Variants in NTNG1 observed in about 807,000 individuals in gnomAD.
The protein encoded by NTNG1 is netrin G1.
Under a neutral mutation model 54.0 loss-of-function variants are expected in NTNG1, and 16 were observed. The observed-to-expected ratio is 0.30, with a 90% CI of 0.20 to 0.45. The LOEUF (loss-of-function observed/expected upper bound fraction) is 0.45, where lower values mean the gene tolerates loss of function less well. NTNG1 is among the 20% of genes least tolerant of loss of function. NTNG1 has a pLI of 1.00. For synonymous variants in NTNG1, 255 were observed against 263.1 expected (o/e 0.97, Z 0.30); for missense variants, 530 against 678.7 (o/e 0.78, Z 2.43).
chr1:107,197,325 T>A (rs1176174626), intron 2 of NTNG1, among the ~76,000 whole-genome samples: 1 of 152,016 alleles, frequency 6.6e-6, no homozygotes, highest in Non-Finnish European at 1.5e-5. Flanking sequence ...CCAATTACAG[T>A]GTCACCGAGC....
At chr1:107,401,360 C>G (rs1248313641) in intron 4 of NTNG1, among the ~76,000 whole-genome samples, 1 of 152,074 alleles carries the variant, frequency 6.6e-6, no homozygotes, top group African/African-American at 2.4e-5. Flanking sequence ...ACCGGAATAC[C>G]AAGTTATTCA....
chr1:107,297,216 CATATAT>C (rs755223720), intron 2 of NTNG1, among the ~76,000 whole-genome samples: 1 of 15,492 alleles, frequency 6.5e-5, no homozygotes, highest in African/African-American at 1.7e-4. Flanking sequence ...TATATACCAT[CATATAT>C]ATATATATAT....
chr1:107,302,704 T>G (rs1666401835), intron 2 of NTNG1, among the ~76,000 whole-genome samples: 1 of 152,172 alleles, frequency 6.6e-6, no homozygotes, highest in African/African-American at 2.4e-5. Flanking sequence ...CTTCTTTTGT[T>G]TTTGTTTTCT....
chr1:107,395,211 C>T lies in NTNG1; in HGVS notation c.945C>T (p.Cys315=), dbSNP rs1432684136. Residue 315 remains cysteine (C), a synonymous_variant, in exon 4 of 8, where the codon TGC becomes TGT. Transcript: ENST00000370068. ...TGTATGACAACAGCAAATTGACATG[C>T]GAATGTGAGCACAACACTACAGGTC... The part of the protein sequence containing the change: ...VCVYDNSKLT[C]ECEHNTTGPD... 31 of 1,613,142 alleles carry T rather than the reference C, an allele frequency of 1.9e-5. No homozygotes were observed. Among genetic ancestry groups the T allele is most frequent in the Middle Eastern group, 1.6e-4 (1 of 6,072 alleles).
chr1:107,258,197 A>T (rs1663051853), intron 2 of NTNG1, among the ~76,000 whole-genome samples: 1 of 147,556 alleles, frequency 6.8e-6, no homozygotes, highest in Non-Finnish European at 1.5e-5. Context: ...ATTTTTTTTT[A>T]TTTAATGTTT....
intron 3 of NTNG1, among the ~76,000 whole-genome samples, chr1:107,373,844 G>A (rs1312870110): frequency 6.6e-6 from 1 of 151,978 alleles, no homozygotes; most frequent in African/African-American, 2.4e-5. Flanking sequence ...GACTCCAGGC[G>A]TGTGCCACAA....
chr1:107,421,824 G>A (rs1674591587), intron 5 of NTNG1, among the ~76,000 whole-genome samples: 1 of 152,038 alleles, frequency 6.6e-6, no homozygotes, highest in Non-Finnish European at 1.5e-5. Flanking sequence ...AATGTCCTGT[G>A]TAACAGGTGT....
intron 5 of NTNG1, among the ~76,000 whole-genome samples, chr1:107,412,726 G>A (rs899230661): frequency 6.6e-6 from 1 of 152,150 alleles, no homozygotes; most frequent in Non-Finnish European, 1.5e-5. Context: ...ATGGAGGACT[G>A]TGACCTCCCC....
intron 2 of NTNG1, among the ~76,000 whole-genome samples, chr1:107,172,304 A>C (rs1485999766): frequency 6.6e-6 from 1 of 152,150 alleles, no homozygotes; most frequent in Non-Finnish European, 1.5e-5. Context: ...ATTCTTGGGG[A>C]CCTTAGCATA....
rs554301258 is a variant in NTNG1 at position 107,149,408 on chromosome 1, A to G, written c.246+569A>G. ...CCTTGTGAGAAGTTTTTCCAGAAAA[A>G]TCTTATTTGCCAACTCCCCTTATTG... On this transcript the variant is annotated intron_variant, in intron 2 of 7. Coordinates refer to ENST00000370068, the MANE Select transcript of NTNG1 (RefSeq NM_001113226.3). Among the ~76,000 whole-genome samples, 28 of 152,238 alleles carry G rather than the reference A, an allele frequency of 1.8e-4. No homozygotes were observed. The South Asian group carries it at 5.4e-3, about 29-fold the overall frequency.
At position 107,261,723 on chromosome 1, in the gene NTNG1, G is replaced by A. The variant is rs927222936; in HGVS notation, c.247-62559G>A. Among the ~76,000 whole-genome samples, 20 of 152,092 alleles carry A rather than the reference G, an allele frequency of 1.3e-4. 1 individual carries two copies. The highest frequency in any genetic ancestry group is 2.4e-4 in the Non-Finnish European group (16 of 68,008). On this transcript the variant is annotated intron_variant, in intron 2 of 7. Coordinates refer to ENST00000370068, the MANE Select transcript of NTNG1 (RefSeq NM_001113226.3). ...CCGGGCGTGGTGGCGGGTGCCTGTA[G>A]TCCCAGCTACTCGGGAGGCTGAGGC...
At chr1:107,339,543 A>G (rs1197153925) in intron 3 of NTNG1, among the ~76,000 whole-genome samples, 2 of 152,118 alleles carry the variant, frequency 1.3e-5, no homozygotes, top group Non-Finnish European at 2.9e-5. Context: ...ATCTGTTAAT[A>G]CCATGCAGAC....
chr1:107,462,705 T>C (rs1462964523), intron 7 of NTNG1, among the ~76,000 whole-genome samples: 2 of 152,230 alleles, frequency 1.3e-5, no homozygotes, highest in Non-Finnish European at 2.9e-5. Flanking sequence ...GGAACTAACA[T>C]TTAAGAAGTT....
intron 2 of NTNG1, among the ~76,000 whole-genome samples, chr1:107,265,404 A>G (rs3125682): frequency 0.97 from 147,338 of 152,242 alleles, 71,456 homozygotes; most frequent in Non-Finnish European, 1. Context: ...TTTGACAATG[A>G]ATTAAAATGA....
chr1:107,430,650 C>A, intron 5 of NTNG1, 100 bp from the exon 6 acceptor site: 2 of 1,197,000 alleles, frequency 1.7e-6, no homozygotes, highest in Non-Finnish European at 2.5e-6. Context: ...TAATGCCATT[C>A]CACCGTCTTT....
intron 2 of NTNG1, among the ~76,000 whole-genome samples, chr1:107,251,807 T>C (rs1410505263): frequency 6.6e-6 from 1 of 152,164 alleles, no homozygotes; most frequent in Non-Finnish European, 1.5e-5. Context: ...CAGTTTCTCC[T>C]CCCACTATTT....
chr1:107,466,591 T>C (rs2101565748), intron 7 of NTNG1, among the ~76,000 whole-genome samples: 1 of 152,334 alleles, frequency 6.6e-6, no homozygotes, highest in African/African-American at 2.4e-5. Flanking sequence ...GTCATGTGAT[T>C]AGTCTTTAAC....
chr1:107,360,858 G>A (rs760586180), intron 3 of NTNG1, among the ~76,000 whole-genome samples: 14 of 151,944 alleles, frequency 9.2e-5, no homozygotes, highest in East Asian at 1.9e-4. Flanking sequence ...AGTATCTCTC[G>A]TCCATGCCTC....
chr1:107,355,812 G>T (rs1224588452), intron 3 of NTNG1, among the ~76,000 whole-genome samples: 5 of 151,966 alleles, frequency 3.3e-5, no homozygotes, highest in Admixed American at 3.3e-4. Flanking sequence ...TCCAACCACC[G>T]CCACCCTCAA....
Sources: gnomAD v4.1 joint callset for allele counts (sites outside exome capture counted in the v4.1 genomes callset) on GRCh38, gnomAD v4.1.1 for gene constraint, MANE v1.5 for transcripts, NCBI Gene and HGNC (gene_info 2026-07-23, HGNC 2026-07-21) for gene names.